Variants in ANKRD17 observed in about 807,000 individuals in gnomAD.
ANKRD17 encodes the protein ankyrin repeat domain 17.
A neutral mutation model predicts 229.7 loss-of-function variants in ANKRD17; 19 were observed. That is an observed-to-expected ratio of 0.08 (90% CI 0.06 to 0.12). The LOEUF (loss-of-function observed/expected upper bound fraction) is 0.12, where lower values mean the gene tolerates loss of function less well. Among genes scored for constraint, ANKRD17 ranks in the 10% least tolerant of loss-of-function variants. ANKRD17 has a pLI of 1.00. For synonymous variants in ANKRD17, 1,112 were observed against 1,146.1 expected (o/e 0.97, Z 0.60); for missense variants, 2,176 against 3,176.8 (o/e 0.68, Z 7.57).
intron 26 of ANKRD17, among the ~76,000 whole-genome samples, chr4:73,097,557 C>T (rs535706128): frequency 6.6e-6 from 1 of 151,824 alleles, no homozygotes; most frequent in South Asian, 2.1e-4. Context: ...GCCTCAGCCT[C>T]CTGAGTAGCT....
At chr4:73,168,299 C>A (rs544353104) in intron 2 of ANKRD17, among the ~76,000 whole-genome samples, 4 of 152,272 alleles carry the variant, frequency 2.6e-5, no homozygotes, top group African/African-American at 9.6e-5. Context: ...GGTTCTTAAA[C>A]CATGAACAAT....
intron 25 of ANKRD17, among the ~76,000 whole-genome samples, chr4:73,100,589 C>G (rs1210869186): frequency 1.3e-5 from 2 of 151,654 alleles, no homozygotes; most frequent in Non-Finnish European, 2.9e-5. Context: ...AATGTCGTTG[C>G]AGTTATGTAA....
At chr4:73,098,599 A>C in intron 25 of ANKRD17, 79 bp from the exon 26 acceptor site, 1 of 1,338,088 alleles carries the variant, frequency 7.5e-7, no homozygotes, top group Non-Finnish European at 1.0e-6. Context: ...TGAAGAAAAG[A>C]AAAACCCAGG....
At chr4:73,226,184 C>G (rs1381514733) in intron 1 of ANKRD17, among the ~76,000 whole-genome samples, 1 of 151,326 alleles carries the variant, frequency 6.6e-6, no homozygotes, top group East Asian at 2.0e-4. Context: ...ACCGTGTTAG[C>G]CAGGATGGTC....
In ANKRD17 at chr4:73,120,065, A is replaced by G. The variant is rs1185323127; in HGVS notation, c.4025+97T>C. 1.1e-5 allele frequency: 15 copies of G among 1,323,936 alleles called. No homozygotes were observed. The East Asian group carries it at 3.3e-4, about 29-fold the overall frequency. 82.0% of individuals were successfully genotyped at this position (1,323,936 alleles called of 1,614,324 possible). On this transcript the variant is annotated intron_variant, in intron 21 of 33. Transcript: ENST00000358602. The stretch of plus-strand genomic sequence containing the variant: ...GCACTTGTTTATAAAAGAAGAAATA[A>G]TCACATTTGATTTTTTAAATAGTTT...
At chr4:73,239,354 A>C (rs1488511659) in intron 1 of ANKRD17, among the ~76,000 whole-genome samples, 1 of 152,224 alleles carries the variant, frequency 6.6e-6, no homozygotes, top group Non-Finnish European at 1.5e-5. Context: ...AGTCCACTTC[A>C]GTATTGTTTG....
chr4:73,146,278 T>C (rs1405249885), intron 10 of ANKRD17, among the ~76,000 whole-genome samples: 10 of 152,178 alleles, frequency 6.6e-5, no homozygotes, highest in Non-Finnish European at 1.0e-4. Context: ...ACATCTCTTA[T>C]AATAACCTCA....
At chr4:73,247,349 C>T (rs1208211819) in intron 1 of ANKRD17, among the ~76,000 whole-genome samples, 1 of 151,948 alleles carries the variant, frequency 6.6e-6, no homozygotes, top group Non-Finnish European at 1.5e-5. Flanking sequence ...CATACTCTAG[C>T]CCAACAATTC....
At chr4:73,155,852 A>T in intron 4 of ANKRD17, 74 bp from the exon 5 acceptor site, 15 of 1,536,090 alleles carry the variant, frequency 9.8e-6, no homozygotes, top group African/African-American at 1.4e-5. Context: ...TATTTATATA[A>T]CGTCTACCTA....
intron 1 of ANKRD17, among the ~76,000 whole-genome samples, chr4:73,208,596 G>C (rs1268751209): frequency 6.6e-6 from 1 of 152,116 alleles, no homozygotes; most frequent in Non-Finnish European, 1.5e-5. Context: ...AAGCACAGGA[G>C]AGAATAGAGT....
intron 2 of ANKRD17, 69 bp downstream of exon 2, chr4:73,177,311 A>C: frequency 3.3e-5 from 44 of 1,339,412 alleles, no homozygotes; most frequent in Middle Eastern, 2.1e-4. Context: ...ATTTTTAACA[A>C]GAGCTTTTAT....
intron 24 of ANKRD17, among the ~76,000 whole-genome samples, chr4:73,108,761 C>A (rs1299070438): frequency 6.6e-6 from 1 of 152,044 alleles, no homozygotes; most frequent in South Asian, 2.1e-4. Context: ...CTGAAAGCGG[C>A]GGTTCAGGGA....
At chr4:73,146,972 A>G in intron 9 of ANKRD17, 99 bp from the exon 10 acceptor site, 2 of 959,566 alleles carry the variant, frequency 2.1e-6, no homozygotes, top group Non-Finnish European at 3.1e-6. Context: ...TACCTCCTCA[A>G]GTTAAACAAA....
intron 27 of ANKRD17, among the ~76,000 whole-genome samples, chr4:73,096,061 G>T (rs1290261821): frequency 3.3e-5 from 5 of 152,140 alleles, no homozygotes; most frequent in Admixed American, 3.3e-4. Context: ...ATAAAGAGAA[G>T]CAGTCAAGTA....
At chr4:73,175,072 A>T (rs1734549749) in intron 2 of ANKRD17, among the ~76,000 whole-genome samples, 1 of 152,176 alleles carries the variant, frequency 6.6e-6, no homozygotes, top group Non-Finnish European at 1.5e-5. Context: ...AGAAAAAGCA[A>T]TCTATATTGG....
chr4:73,169,155 T>G (rs1425410982), intron 2 of ANKRD17: 3 of 152,176 alleles, frequency 2.0e-5, no homozygotes, highest in Admixed American at 2.0e-4. Context: ...AAAATATAAC[T>G]TATTTAATAT....
At chr4:73,102,791 G>T in intron 24 of ANKRD17, 1 of 420,738 alleles carries the variant, frequency 2.4e-6, no homozygotes, top group Non-Finnish European at 4.1e-6. Flanking sequence ...CAGATACATA[G>T]CTTTTAATCA....
intron 1 of ANKRD17, among the ~76,000 whole-genome samples, chr4:73,183,558 G>A (rs1447834169): frequency 6.6e-6 from 1 of 152,002 alleles, no homozygotes; most frequent in Non-Finnish European, 1.5e-5. Context: ...GGGTTCAAGC[G>A]ATTCTCCCAC....
chr4:73,204,686 C>G (rs1055637263), intron 1 of ANKRD17, among the ~76,000 whole-genome samples: 1 of 151,840 alleles, frequency 6.6e-6, no homozygotes, highest in African/African-American at 2.4e-5. Flanking sequence ...TGGCGATTCA[C>G]AACATAGGTA....
Sources: gnomAD v4.1 joint callset for allele counts (sites outside exome capture counted in the v4.1 genomes callset) on GRCh38, gnomAD v4.1.1 for gene constraint, MANE v1.5 for transcripts, NCBI Gene and HGNC (gene_info 2026-07-23, HGNC 2026-07-21) for gene names.